Variants in NIBAN1 observed in about 807,000 individuals in gnomAD.
NIBAN1 encodes the protein protein Niban 1.
A neutral mutation model predicts 75.1 loss-of-function variants in NIBAN1; 81 were observed. The ratio of observed to expected loss-of-function variants is 1.08; its 90% CI spans 0.90 to 1.30. The LOEUF is 1.30. NIBAN1 is among the 50% of genes most tolerant of loss of function. The pLI is 0.00. For missense variants in NIBAN1, 1,133 were observed against 1,128.1 expected, an observed-to-expected ratio of 1.00 and a Z score of -0.06; for synonymous variants, 436 against 424.8, an observed-to-expected ratio of 1.03 and a Z score of -0.32.
chr1:184,918,633 C>T (rs1409910489), intron 1 of NIBAN1, among the ~76,000 whole-genome samples: 1 of 152,194 alleles, frequency 6.6e-6, no homozygotes, highest in African/African-American at 2.4e-5. Flanking sequence ...GCAAGTCTAC[C>T]TTGAAGCTTC....
chr1:184,864,988 CA>C (rs200197955), intron 5 of NIBAN1, among the ~76,000 whole-genome samples: 4,346 of 61,184 alleles, frequency 0.071, 116 homozygotes, highest in African/African-American at 0.16. Flanking sequence ...CTAAAGAGGT[CA>C]AAAAAAAAAA....
At chr1:184,960,287 C>A (rs1025688964) in intron 1 of NIBAN1, among the ~76,000 whole-genome samples, 1 of 152,100 alleles carries the variant, frequency 6.6e-6, no homozygotes, top group Admixed American at 6.5e-5. Context: ...TTTTCCAAGG[C>A]ACCAATTGTA....
chr1:184,964,567 A>G (rs1296486619), intron 1 of NIBAN1, among the ~76,000 whole-genome samples: 1 of 152,162 alleles, frequency 6.6e-6, no homozygotes. Flanking sequence ...TGTGAAACGG[A>G]GCTAATGATA....
intron 1 of NIBAN1, among the ~76,000 whole-genome samples, chr1:184,954,422 C>A (rs1658432421): frequency 6.6e-6 from 1 of 152,146 alleles, no homozygotes; most frequent in African/African-American, 2.4e-5. Flanking sequence ...ATAAGAAAAT[C>A]TTAGCATTTC....
chr1:184,973,970 C>G (rs1341679406), intron 1 of NIBAN1, among the ~76,000 whole-genome samples: 1 of 152,160 alleles, frequency 6.6e-6, no homozygotes, highest in Non-Finnish European at 1.5e-5. Context: ...AGAAACCGCT[C>G]AGAACTCAGT....
rs1197600434 is a variant in NIBAN1, at chr1:184,799,842, T to C, written c.1555-1652A>G. On this transcript the variant is annotated intron_variant, in intron 12 of 13. Coordinates refer to ENST00000367511, the MANE Select transcript of NIBAN1 (RefSeq NM_052966.4). ...CTCACTGCAAGCTCCGCCTCCCGGG[T>C]TCAAGCCATTCTCCTGCCTCAGCCT... 9.0e-5 allele frequency among the ~76,000 whole-genome samples: 8 copies of C among 88,812 alleles called. 2 individuals carry two copies. Among genetic ancestry groups the C allele is most frequent in the Admixed American group, 7.9e-4 (7 of 8,884 alleles). 58.3% of individuals were successfully genotyped at this position (88,812 alleles called of 152,430 possible).
At chr1:184,900,059 G>C (rs1329768029) in intron 1 of NIBAN1, among the ~76,000 whole-genome samples, 1 of 151,914 alleles carries the variant, frequency 6.6e-6, no homozygotes, top group Non-Finnish European at 1.5e-5. Context: ...CAGATGATCT[G>C]CCCGCCTCGG....
intron 5 of NIBAN1, 101 bp downstream of exon 5, chr1:184,884,532 G>C: frequency 6.7e-7 from 1 of 1,485,020 alleles, no homozygotes; most frequent in South Asian, 1.3e-5. Flanking sequence ...GCTCATCTGT[G>C]GCTCTTTCTA....
At chr1:184,836,457 C>T (rs544883395) in intron 5 of NIBAN1, among the ~76,000 whole-genome samples, 2 of 152,316 alleles carry the variant, frequency 1.3e-5, no homozygotes, top group African/African-American at 4.8e-5. Flanking sequence ...CTGCAGGAGA[C>T]ACTTGAAATC....
intron 5 of NIBAN1, among the ~76,000 whole-genome samples, chr1:184,878,959 C>T (rs561476048): frequency 2.8e-4 from 42 of 152,282 alleles, no homozygotes; most frequent in African/African-American, 9.4e-4. Context: ...GGAATGACTA[C>T]TTCCTAAGTA....
chr1:184,830,245 A>T (rs1343667575), intron 6 of NIBAN1, among the ~76,000 whole-genome samples: 1 of 152,270 alleles, frequency 6.6e-6, no homozygotes, highest in Non-Finnish European at 1.5e-5. Context: ...ATCACACAAA[A>T]GCATTTGACT....
At chr1:184,972,701 C>A (rs766766841) in intron 1 of NIBAN1, among the ~76,000 whole-genome samples, 25 of 152,156 alleles carry the variant, frequency 1.6e-4, no homozygotes, top group Admixed American at 1.1e-3. Context: ...CTAACTCCCT[C>A]GTACTTTTGT....
At chr1:184,938,254 C>T (rs1658009625) in intron 1 of NIBAN1, among the ~76,000 whole-genome samples, 1 of 152,036 alleles carries the variant, frequency 6.6e-6, no homozygotes, top group Non-Finnish European at 1.5e-5. Flanking sequence ...TGAAGTCAGG[C>T]AGTGACATGG....
chr1:184,911,806 C>T (rs951252300), intron 1 of NIBAN1, among the ~76,000 whole-genome samples: 8 of 152,062 alleles, frequency 5.3e-5, no homozygotes, highest in Admixed American at 6.6e-5. Context: ...GTTTGGTGTA[C>T]GTGCATGTTT....
At chr1:184,914,825 T>A (rs1336175165) in intron 1 of NIBAN1, among the ~76,000 whole-genome samples, 1 of 151,712 alleles carries the variant, frequency 6.6e-6, no homozygotes, top group Non-Finnish European at 1.5e-5. Flanking sequence ...TGGGTTCAAA[T>A]GATTCTCCTG....
At chr1:184,946,970 G>A (rs1658240528) in intron 1 of NIBAN1, among the ~76,000 whole-genome samples, 1 of 152,020 alleles carries the variant, frequency 6.6e-6, no homozygotes, top group South Asian at 2.1e-4. Context: ...CTACTCAGGA[G>A]GCTGAGGCAA....
intron 1 of NIBAN1, among the ~76,000 whole-genome samples, chr1:184,950,673 T>C (rs1658337816): frequency 6.6e-6 from 1 of 152,166 alleles, no homozygotes; most frequent in Admixed American, 6.5e-5. Context: ...GCATCACAAA[T>C]AAGAAGCTGG....
intron 1 of NIBAN1, among the ~76,000 whole-genome samples, chr1:184,942,715 A>G (rs1013067533): frequency 3.4e-5 from 5 of 146,018 alleles, no homozygotes; most frequent in African/African-American, 1.0e-4. Context: ...AAAAAAAAAA[A>G]GAATCAGGTT....
intron 1 of NIBAN1, among the ~76,000 whole-genome samples, chr1:184,924,731 T>C (rs1484334840): frequency 6.6e-6 from 1 of 152,184 alleles, no homozygotes; most frequent in Non-Finnish European, 1.5e-5. Flanking sequence ...TCTGTTCAAG[T>C]TTTGAATTTC....
Sources: gnomAD v4.1 joint callset for allele counts (sites outside exome capture counted in the v4.1 genomes callset) on GRCh38, gnomAD v4.1.1 for gene constraint, MANE v1.5 for transcripts, NCBI Gene and HGNC (gene_info 2026-07-23, HGNC 2026-07-21) for gene names.